Variants in CNTN3 observed in about 807,000 individuals in gnomAD.
CNTN3 encodes contactin 3, also known as contactin-3.
Under a neutral mutation model 119.1 loss-of-function variants are expected in CNTN3, and 60 were observed. The observed-to-expected ratio is 0.50, with a 90% CI of 0.41 to 0.62. The LOEUF (loss-of-function observed/expected upper bound fraction) is 0.62, where lower values mean the gene tolerates loss of function less well. CNTN3 is among the 20% of genes least tolerant of loss of function. The pLI is 0.00. For synonymous variants in CNTN3, 450 were observed against 438.7 expected (o/e 1.03, Z -0.32); for missense variants, 1,101 against 1,242.4 (o/e 0.89, Z 1.71).
intron 13 of CNTN3, among the ~76,000 whole-genome samples, chr3:74,328,479 G>A (rs1432403209): frequency 6.6e-6 from 1 of 151,944 alleles, no homozygotes; most frequent in Admixed American, 6.6e-5. Flanking sequence ...TATAGCCTTG[G>A]TTTGTTTTAA....
chr3:74,470,242 C>T (rs1032759463), intron 4 of CNTN3, among the ~76,000 whole-genome samples: 1 of 152,024 alleles, frequency 6.6e-6, no homozygotes, highest in African/African-American at 2.4e-5. Context: ...ATGATAATAA[C>T]TCTCTAAAAT....
At chr3:74,491,638 G>A (rs1671407196) in intron 3 of CNTN3, among the ~76,000 whole-genome samples, 1 of 152,176 alleles carries the variant, frequency 6.6e-6, no homozygotes. Flanking sequence ...TAATCCAACT[G>A]TCTGGGCTTC....
chr3:74,438,649 C>T (rs1472467102), intron 4 of CNTN3, among the ~76,000 whole-genome samples: 1 of 152,144 alleles, frequency 6.6e-6, no homozygotes, highest in Non-Finnish European at 1.5e-5. Context: ...TTCCTTCCCC[C>T]TAGTTAGTAG....
intron 4 of CNTN3, among the ~76,000 whole-genome samples, chr3:74,426,373 T>A (rs910242892): frequency 2.0e-5 from 3 of 152,204 alleles, no homozygotes; most frequent in Non-Finnish European, 4.4e-5. Flanking sequence ...AGTGAAGCAG[T>A]ATATGTATTT....
intron 1 of CNTN3, among the ~76,000 whole-genome samples, chr3:74,529,664 C>G (rs1016135764): frequency 2.0e-5 from 3 of 150,664 alleles, no homozygotes; most frequent in African/African-American, 7.3e-5. Flanking sequence ...TGAAATGAAA[C>G]ATTTTTAAAA....
Position 74,297,956 on chromosome 3 carries a change from C to G in CNTN3, c.2401+1G>C, listed in dbSNP as rs1159563021. 4 of 1,606,978 alleles carry G rather than the reference C, an allele frequency of 2.5e-6. No homozygotes were observed. Among genetic ancestry groups the G allele is most frequent in the Non-Finnish European group, 3.4e-6 (4 of 1,174,284 alleles). ...CTGATATACAGTCATGTTTTCCATA[C>G]CTTCTTCTGCAGAGAACACTGTTGT... On this transcript the variant is annotated splice_donor_variant, in intron 18 of 22. Coordinates refer to ENST00000263665, the MANE Select transcript of CNTN3 (RefSeq NM_020872.3). LOFTEE classifies it high-confidence loss of function.
At chr3:74,441,943 G>A (rs1254243576) in intron 4 of CNTN3, among the ~76,000 whole-genome samples, 4 of 151,922 alleles carry the variant, frequency 2.6e-5, no homozygotes, top group Admixed American at 2.0e-4. Flanking sequence ...ACACATAAAG[G>A]TCTCTATGTT....
chr3:74,316,778 A>G (rs920616523), intron 13 of CNTN3, among the ~76,000 whole-genome samples: 7 of 152,016 alleles, frequency 4.6e-5, no homozygotes, highest in African/African-American at 1.7e-4. Context: ...ACAAAAAAAA[A>G]TTAGCTGGCC....
chr3:74,463,152 G>C (rs1242175071), intron 4 of CNTN3, among the ~76,000 whole-genome samples: 1 of 152,126 alleles, frequency 6.6e-6, no homozygotes, highest in Non-Finnish European at 1.5e-5. Context: ...ATGAAGATCT[G>C]TAACAACACT....
chr3:74,524,606 G>C (rs1703589299), intron 1 of CNTN3, among the ~76,000 whole-genome samples: 1 of 151,768 alleles, frequency 6.6e-6, no homozygotes, highest in Non-Finnish European at 1.5e-5. Context: ...ACAAGTACTT[G>C]GTATGGATTT....
rs189331937 is a variant in CNTN3, at chr3:74,418,822, T to A, written c.454+6023A>T. Among the ~76,000 whole-genome samples, 1,207 of 152,060 alleles carry A rather than the reference T, an allele frequency of 7.9e-3. 11 individuals carry two copies. Among genetic ancestry groups the A allele is most frequent in the Non-Finnish European group, 0.014 (930 of 67,974 alleles). On this transcript the variant is annotated intron_variant, in intron 5 of 22. Coordinates refer to ENST00000263665, the MANE Select transcript of CNTN3 (RefSeq NM_020872.3). The stretch of plus-strand genomic sequence containing the variant: ...TTTTTTTTTGGAGACAGAATCTCAC[T>A]CTGTTGCCCAGGCTGGAGTGCAATG...
chr3:74,489,376 C>G (rs1005434412), intron 3 of CNTN3, among the ~76,000 whole-genome samples: 1 of 151,964 alleles, frequency 6.6e-6, no homozygotes, highest in Non-Finnish European at 1.5e-5. Context: ...ATTCAACAAC[C>G]GATTAGAAAG....
intron 13 of CNTN3, among the ~76,000 whole-genome samples, chr3:74,318,623 G>A (rs947857278): frequency 1.3e-5 from 2 of 152,184 alleles, no homozygotes; most frequent in African/African-American, 4.8e-5. Flanking sequence ...CTGTTTGCCT[G>A]GGTATCAGCA....
At chr3:74,444,800 T>G (rs1015069143) in intron 4 of CNTN3, among the ~76,000 whole-genome samples, 2 of 152,198 alleles carry the variant, frequency 1.3e-5, no homozygotes, top group African/African-American at 4.8e-5. Flanking sequence ...AATATGGGCT[T>G]TCTTCACTGT....
At chr3:74,371,476 C>T (rs1704337787) in intron 5 of CNTN3, 77 bp from the exon 6 acceptor site, 1 of 1,052,226 alleles carries the variant, frequency 9.5e-7, no homozygotes, top group African/African-American at 1.6e-5. Context: ...TGTATCTATA[C>T]AAACATCAAC....
intron 1 of CNTN3, among the ~76,000 whole-genome samples, chr3:74,529,319 A>G (rs968912879): frequency 6.6e-5 from 10 of 151,942 alleles, no homozygotes; most frequent in Admixed American, 1.3e-4. Context: ...AGAGCTCAAC[A>G]CGTGGCACTG....
In CNTN3 at chr3:74,556,487, G is replaced by C. The variant is rs1188738090; in HGVS notation, c.-80-35295C>G. ...AAATGTTAGTAAATTTTGTTTTGTA[G>C]CTGAATAATATTCCACTGTATGGAT... On this transcript the variant is annotated intron_variant, in intron 1 of 22. Coordinates refer to ENST00000263665, the MANE Select transcript of CNTN3 (RefSeq NM_020872.3). 2.0e-5 allele frequency among the ~76,000 whole-genome samples: 3 copies of C among 152,072 alleles called. 1 individual carries two copies. Among genetic ancestry groups the C allele is most frequent in the African/African-American group, 7.2e-5 (3 of 41,414 alleles).
At chr3:74,457,250 A>G (rs564761366) in intron 4 of CNTN3, among the ~76,000 whole-genome samples, 305 of 152,186 alleles carry the variant, frequency 2.0e-3, no homozygotes, top group Non-Finnish European at 2.5e-3. Flanking sequence ...ATTGTTTCCA[A>G]AAGTCTAATT....
At chr3:74,321,908 C>T (rs910054052) in intron 13 of CNTN3, among the ~76,000 whole-genome samples, 1 of 151,820 alleles carries the variant, frequency 6.6e-6, no homozygotes, top group African/African-American at 2.4e-5. Context: ...AATAATTTTC[C>T]CAAACAGAAA....
Sources: gnomAD v4.1 joint callset for allele counts (sites outside exome capture counted in the v4.1 genomes callset) on GRCh38, gnomAD v4.1.1 for gene constraint, MANE v1.5 for transcripts, NCBI Gene and HGNC (gene_info 2026-07-23, HGNC 2026-07-21) for gene names.